KCNH1: variants seen among roughly 807,000 people sequenced by gnomAD.
KCNH1 encodes the protein voltage-gated delayed rectifier potassium channel KCNH1.
KCNH1 carries 27 observed loss-of-function variants against 69.2 expected under a neutral mutation model. The ratio of observed to expected loss-of-function variants is 0.39; its 90% CI spans 0.29 to 0.54. KCNH1 has a LOEUF of 0.54. Among genes scored for constraint, KCNH1 ranks in the 20% least tolerant of loss-of-function variants. KCNH1 has a pLI of 0.68. For synonymous variants in KCNH1, 456 were observed against 487.7 expected (o/e 0.93, Z 0.86); for missense variants, 798 against 1,261.6 (o/e 0.63, Z 5.57).
chr1:210,921,469 A>C (rs1047219071), intron 6 of KCNH1, among the ~76,000 whole-genome samples: 1 of 152,210 alleles, frequency 6.6e-6, no homozygotes, highest in Non-Finnish European at 1.5e-5. Flanking sequence ...CCCTTTAATA[A>C]CAACACTCCA....
At chr1:210,782,349 A>T (rs1171603380) in intron 9 of KCNH1, among the ~76,000 whole-genome samples, 1 of 152,202 alleles carries the variant, frequency 6.6e-6, no homozygotes, top group African/African-American at 2.4e-5. Flanking sequence ...ATATGCTAAA[A>T]CCCTAACTCC....
Position 210,956,977 on chromosome 1 carries a change from G to A in KCNH1, c.1033-36908C>T, listed in dbSNP as rs149308028. Among the ~76,000 whole-genome samples the A allele has an allele frequency of 6.9e-3, 1,045 of 152,062 alleles. 8 individuals carry two copies. Among genetic ancestry groups the A allele is most frequent in the African/African-American group, 0.024 (1,001 of 41,460 alleles). ...CTAACTTTTGAATTTGTTTGGTCTT[G>A]CTTCTGTAGTTCTTTTAATTGTGAT... On this transcript the variant is annotated intron_variant, in intron 6 of 10. Transcript: ENST00000271751.
At chr1:210,851,631 A>G (rs1449317461) in intron 7 of KCNH1, among the ~76,000 whole-genome samples, 1 of 152,260 alleles carries the variant, frequency 6.6e-6, no homozygotes, top group African/African-American at 2.4e-5. Context: ...TGTGAGCATC[A>G]TAGAGTATAC....
chr1:210,725,983 C>G (rs970550495), intron 10 of KCNH1, among the ~76,000 whole-genome samples: 5 of 152,162 alleles, frequency 3.3e-5, no homozygotes, highest in African/African-American at 9.7e-5. Flanking sequence ...ATCTGAGCCA[C>G]AAGCTTCTGG....
chr1:211,100,393 C>T (rs1691236339), intron 3 of KCNH1, among the ~76,000 whole-genome samples: 1 of 152,126 alleles, frequency 6.6e-6, no homozygotes, highest in African/African-American at 2.4e-5. Context: ...CTCTCTGTCA[C>T]CCAGGCTGAA....
intron 7 of KCNH1, chr1:210,861,675 C>A: frequency 1.3e-6 from 1 of 773,032 alleles, no homozygotes; most frequent in Non-Finnish European, 2.4e-6. Flanking sequence ...CATAGAAGAT[C>A]TTGAATATTT....
chr1:211,130,636 A>G (rs1691859142), intron 1 of KCNH1, among the ~76,000 whole-genome samples: 1 of 152,096 alleles, frequency 6.6e-6, no homozygotes, highest in Non-Finnish European at 1.5e-5. Flanking sequence ...CCTCTTACGA[A>G]TTGTAGGTAA....
chr1:210,751,335 G>A (rs974091452), intron 10 of KCNH1, among the ~76,000 whole-genome samples: 4 of 152,206 alleles, frequency 2.6e-5, no homozygotes. Context: ...ACAGAGCCAG[G>A]ACTAGATGCC....
intron 6 of KCNH1, among the ~76,000 whole-genome samples, chr1:210,956,256 C>G (rs61849015): frequency 3.9e-5 from 6 of 152,090 alleles, no homozygotes; most frequent in Admixed American, 6.5e-5. Flanking sequence ...ATGAAGCCAA[C>G]TTGATCATGG....
chr1:210,995,352 G>C (rs908377093), intron 6 of KCNH1, among the ~76,000 whole-genome samples: 2 of 152,138 alleles, frequency 1.3e-5, no homozygotes, highest in African/African-American at 2.4e-5. Flanking sequence ...AGAAATCTTG[G>C]CCCAGATAAA....
At chr1:210,695,849 G>C (rs1167808516) in intron 10 of KCNH1, among the ~76,000 whole-genome samples, 2 of 152,202 alleles carry the variant, frequency 1.3e-5, no homozygotes, top group Non-Finnish European at 2.9e-5. Context: ...ACACTCCGCT[G>C]GCTGGGCACT....
At chr1:210,922,423 C>A (rs1210268685) in intron 6 of KCNH1, among the ~76,000 whole-genome samples, 2 of 129,348 alleles carry the variant, frequency 1.5e-5, no homozygotes, top group Admixed American at 8.0e-5. Flanking sequence ...AAAAAAAAAC[C>A]TGACAAGTTT....
At chr1:210,861,980 G>T in intron 7 of KCNH1, 1 of 759,610 alleles carries the variant, frequency 1.3e-6, no homozygotes, top group Non-Finnish European at 2.4e-6. Context: ...ATGAGCTCAG[G>T]AGGATGGATA....
In KCNH1 at chr1:211,097,837, C is replaced by T. The variant is rs376284012; in HGVS notation, c.310+5659G>A. On this transcript the variant is annotated intron_variant, in intron 3 of 10. Transcript: ENST00000271751. ...AACCCAGAGCTCCCAGATTCCAGGC[C>T]GCCAGCCACACCACAAATTGTGGAG... Among the ~76,000 whole-genome samples the T allele has an allele frequency of 1.2e-4, 18 of 152,292 alleles. No homozygotes were observed. In the South Asian group the frequency reaches 2.5e-3, roughly 21 times the overall value.
intron 7 of KCNH1, among the ~76,000 whole-genome samples, chr1:210,822,371 A>C (rs2102427926): frequency 6.6e-6 from 1 of 152,216 alleles, no homozygotes; most frequent in South Asian, 2.1e-4. Flanking sequence ...GCCTTATACC[A>C]GGCTAAGACA....
chr1:211,044,106 G>A (rs58047385), intron 5 of KCNH1, among the ~76,000 whole-genome samples: 14,271 of 152,196 alleles, frequency 0.094, 874 homozygotes, highest in African/African-American at 0.17. Context: ...TTAGACAAGA[G>A]AAAGAAACAA....
chr1:210,982,447 A>G (rs2202095), intron 6 of KCNH1, among the ~76,000 whole-genome samples: 107,693 of 151,496 alleles, frequency 0.71, 39,221 homozygotes, highest in African/African-American at 0.87. Flanking sequence ...AGTCCCCGGT[A>G]TGTGATGTTC....
chr1:210,802,205 C>T (rs895719029), intron 8 of KCNH1, among the ~76,000 whole-genome samples: 24 of 152,162 alleles, frequency 1.6e-4, no homozygotes, highest in Admixed American at 4.6e-4. Flanking sequence ...ATGGTTATCA[C>T]GGCAAATAGT....
chr1:210,842,497 C>G (rs6658899), intron 7 of KCNH1, among the ~76,000 whole-genome samples: 2,669 of 152,146 alleles, frequency 0.018, 95 homozygotes, highest in African/African-American at 0.061. Context: ...GGCATGTTAG[C>G]GGAATTTAAA....
Sources: allele counts gnomAD v4.1 joint callset (sites outside exome capture counted in the v4.1 genomes callset), GRCh38; gene constraint gnomAD v4.1.1; transcripts MANE v1.5; gene names NCBI Gene and HGNC (gene_info 2026-07-23, HGNC 2026-07-21).